LAMA1: variants seen among roughly 807,000 people sequenced by gnomAD.
LAMA1 encodes the protein laminin subunit alpha-1.
In LAMA1, 219 loss-of-function variants were observed where a neutral mutation model predicts 348.7. The ratio of observed to expected loss-of-function variants is 0.63; its 90% CI spans 0.56 to 0.70. The LOEUF is 0.70. Among genes scored for constraint, LAMA1 ranks in the 30% least tolerant of loss-of-function variants. The pLI is 0.00. For missense variants in LAMA1, 3,744 were observed against 3,888.0 expected (o/e 0.96, Z 0.99); for synonymous variants, 1,487 against 1,491.0 (o/e 1.00, Z 0.06).
intron 3 of LAMA1, among the ~76,000 whole-genome samples, chr18:7,059,055 A>G (rs1003097352): frequency 5.3e-5 from 8 of 152,052 alleles, no homozygotes; most frequent in Non-Finnish European, 1.0e-4. Flanking sequence ...ATGCCCAACT[A>G]ATTTTTGTAT....
At chr18:7,055,338 A>C (rs1372773240) in intron 3 of LAMA1, among the ~76,000 whole-genome samples, 1 of 151,572 alleles carries the variant, frequency 6.6e-6, no homozygotes, top group Non-Finnish European at 1.5e-5. Context: ...CTGTAATCCC[A>C]GCTAATTGGG....
intron 16 of LAMA1, among the ~76,000 whole-genome samples, chr18:7,029,822 A>AG (rs1423596456): frequency 2.0e-5 from 3 of 152,178 alleles, no homozygotes; most frequent in African/African-American, 7.2e-5. Context: ...GAGCTCAGAG[A>AG]GAAAAACAGG....
At chr18:6,982,954 G>T in intron 40 of LAMA1, 145 bp downstream of exon 40, 1 of 1,061,852 alleles carries the variant, frequency 9.4e-7, no homozygotes, top group Admixed American at 2.0e-5. Flanking sequence ...TTAAAACACA[G>T]ATCATATGAT....
rs1295373850 is a variant in LAMA1 at position 7,097,083 on chromosome 18, A to G, written c.62-16626T>C. Among the ~76,000 whole-genome samples, 15 of 152,110 alleles carry G rather than the reference A, an allele frequency of 9.9e-5. No homozygotes were observed. In the East Asian group the frequency reaches 2.9e-3, roughly 29 times the overall value. On this transcript the variant is annotated intron_variant, in intron 1 of 62. Transcript: ENST00000389658. ...AGCAAAAGTAGTGAACTTGGTAGAA[A>G]ATGAATGGGGAAAGCTCACAGCTGG...
intron 22 of LAMA1, among the ~76,000 whole-genome samples, chr18:7,014,555 AAGGATACAGTGAGCTTTG>A (rs36221713): frequency 0.49 from 73,856 of 151,138 alleles, 18,543 homozygotes; most frequent in Non-Finnish European, 0.55. Context: ...CCAAGAGGTC[AAGGATACAGTGAGCTTTG>A]AGGATACAGT....
intron 1 of LAMA1, among the ~76,000 whole-genome samples, chr18:7,104,040 C>T (rs2058301994): frequency 6.6e-6 from 1 of 152,048 alleles, no homozygotes; most frequent in Non-Finnish European, 1.5e-5. Flanking sequence ...AGTGCAGTGG[C>T]ACCATGTCAG....
At chr18:6,957,114 G>GT (rs2057582891) in intron 55 of LAMA1, 1 of 343,174 alleles carries the variant, frequency 2.9e-6, no homozygotes, top group Admixed American at 4.0e-5. Context: ...CCCAAGCGCT[G>GT]CACAGTGACC....
intron 29 of LAMA1, among the ~76,000 whole-genome samples, chr18:7,003,055 C>A (rs150086098): frequency 1.1e-4 from 16 of 151,126 alleles, no homozygotes; most frequent in African/African-American, 3.9e-4. Flanking sequence ...TAACTTTTAA[C>A]TTTTTTGTAC....
At chr18:6,973,666 G>A (rs2057668559) in intron 46 of LAMA1, among the ~76,000 whole-genome samples, 1 of 152,188 alleles carries the variant, frequency 6.6e-6, no homozygotes, top group Non-Finnish European at 1.5e-5. Context: ...TGACTTAAGT[G>A]CAATGTGCTG....
intron 29 of LAMA1, among the ~76,000 whole-genome samples, chr18:7,005,042 G>T (rs1342499833): frequency 6.6e-6 from 1 of 152,182 alleles, no homozygotes; most frequent in Non-Finnish European, 1.5e-5. Context: ...GAGCAAAGGC[G>T]TTAGGCTCAG....
At chr18:7,038,199 C>G (rs1218985619) in intron 11 of LAMA1, among the ~76,000 whole-genome samples, 1 of 152,154 alleles carries the variant, frequency 6.6e-6, no homozygotes, top group African/African-American at 2.4e-5. Context: ...GGTGATGGTA[C>G]TCCCCCCAGC....
At chr18:6,968,968 G>A (rs760568605) in intron 48 of LAMA1, among the ~76,000 whole-genome samples, 2 of 152,142 alleles carry the variant, frequency 1.3e-5, no homozygotes, top group Non-Finnish European at 2.9e-5. Flanking sequence ...CTAGAATTAG[G>A]GTATTAACTC....
At chr18:6,997,266 G>A (rs1445453061) in intron 33 of LAMA1, among the ~76,000 whole-genome samples, 3 of 152,092 alleles carry the variant, frequency 2.0e-5, no homozygotes, top group East Asian at 1.9e-4. Context: ...GTTTCACCAC[G>A]TTGGCCAGGA....
chr18:6,963,958 T>G (rs1229599298), intron 51 of LAMA1: 1 of 152,924 alleles, frequency 6.5e-6, no homozygotes, highest in Non-Finnish European at 1.5e-5. Flanking sequence ...GCACATACAT[T>G]ATTCAGTCTA....
intron 1 of LAMA1, among the ~76,000 whole-genome samples, chr18:7,111,422 C>T (rs1366087070): frequency 6.6e-6 from 1 of 152,190 alleles, no homozygotes; most frequent in Non-Finnish European, 1.5e-5. Context: ...CCAAAGAAAG[C>T]TCTCCTGAGC....
chr18:7,098,012 G>A (rs1177377296), intron 1 of LAMA1, among the ~76,000 whole-genome samples: 1 of 150,098 alleles, frequency 6.7e-6, no homozygotes, highest in Non-Finnish European at 1.5e-5. Context: ...GGCTCGCGCC[G>A]CCACGCCTGA....
At chr18:6,980,728 A>C in intron 41 of LAMA1, 91 bp from the exon 42 acceptor site, 1 of 732,824 alleles carries the variant, frequency 1.4e-6, no homozygotes, top group Non-Finnish European at 2.5e-6. Flanking sequence ...CATCGACAGA[A>C]TTCATAGCTT....
Position 7,044,792 on chromosome 18 carries a change from G to A in LAMA1, c.906C>T (p.Asn302=). ...GCTGATGGTACCCAGGACAGCACCTGTTACAGCTCTCCCCGCAAGTATTAT... is the reference window on the plus strand; with the variant it reads ...GCTGATGGTACCCAGGACAGCACCTATTACAGCTCTCCCCGCAAGTATTAT... ...CEHNTCGESC[N]RCCPGYHQQP... The change falls in exon 7 of 63, where the codon AAC becomes AAT. Residue 302 remains asparagine (N), a synonymous_variant. Coordinates refer to ENST00000389658, the MANE Select transcript of LAMA1 (RefSeq NM_005559.4). 2 of 1,614,152 alleles carry A rather than the reference G, an allele frequency of 1.2e-6. No individual in the cohort carries two copies. Among genetic ancestry groups the A allele is most frequent in the Non-Finnish European group, 1.7e-6 (2 of 1,180,032 alleles).
At chr18:7,092,107 C>T (rs2143802767) in intron 1 of LAMA1, among the ~76,000 whole-genome samples, 1 of 152,330 alleles carries the variant, frequency 6.6e-6, no homozygotes, top group East Asian at 1.9e-4. Flanking sequence ...TGGTGTCATT[C>T]TCACTGGGAT....
Sources: gnomAD v4.1 joint callset for allele counts (sites outside exome capture counted in the v4.1 genomes callset) on GRCh38, gnomAD v4.1.1 for gene constraint, MANE v1.5 for transcripts, NCBI Gene and HGNC (gene_info 2026-07-23, HGNC 2026-07-21) for gene names.